The following RUNDC3B variants were observed in gnomAD, a reference collection of about 807,000 sequenced individuals.
RUNDC3B encodes the protein RUN domain containing 3B.
In RUNDC3B, 33 loss-of-function variants were observed where a neutral mutation model predicts 58.4. That is an observed-to-expected ratio of 0.56 (90% CI 0.43 to 0.75). The LOEUF is 0.75. Ranked by LOEUF, RUNDC3B falls within the 30% of genes least tolerant of loss-of-function variation. The probability of loss-of-function intolerance (pLI) is 0.00; values close to 1 mark genes in which losing one functional copy is unlikely to be tolerated. For synonymous variants in RUNDC3B, 193 were observed against 195.2 expected, an observed-to-expected ratio of 0.99 and a Z score of 0.10; for missense variants, 501 against 535.7, an observed-to-expected ratio of 0.94 and a Z score of 0.64.
chr7:87,752,643 A>G (rs1487654775), intron 6 of RUNDC3B, among the ~76,000 whole-genome samples: 1 of 152,014 alleles, frequency 6.6e-6, no homozygotes, highest in Admixed American at 6.6e-5. Context: ...TTTCTTCTAA[A>G]TTTTCTAGTT....
intron 6 of RUNDC3B, among the ~76,000 whole-genome samples, chr7:87,750,993 T>C (rs1416787380): frequency 1.3e-5 from 2 of 152,246 alleles, no homozygotes; most frequent in Admixed American, 6.5e-5. Flanking sequence ...GGTTTTCTTC[T>C]AGGGTTTTTA....
intron 2 of RUNDC3B, among the ~76,000 whole-genome samples, chr7:87,690,321 A>T (rs1300474626): frequency 6.6e-6 from 1 of 152,134 alleles, no homozygotes; most frequent in African/African-American, 2.4e-5. Flanking sequence ...TTATTTTATT[A>T]AACTGTTTTT....
intron 1 of RUNDC3B, among the ~76,000 whole-genome samples, chr7:87,629,736 C>G (rs928495506): frequency 1.1e-4 from 16 of 151,820 alleles, no homozygotes; most frequent in Non-Finnish European, 1.9e-4. Context: ...ACCAGCCTGG[C>G]CAACATAGTG....
chr7:87,823,666 G>C (rs994204142), intron 10 of RUNDC3B, among the ~76,000 whole-genome samples: 1 of 151,970 alleles, frequency 6.6e-6, no homozygotes, highest in Non-Finnish European at 1.5e-5. Flanking sequence ...AAGAAAATAC[G>C]ATGTTTGGTT....
In RUNDC3B at chr7:87,830,722, A is replaced by G. The variant is rs1373770696; in HGVS notation, c.*692A>G. The stretch of plus-strand genomic sequence containing the variant: ...TATTTTATGCCATTTAGGCAAAATG[A>G]ATAAACTGTTTTCCAAGATTTTCTT... On this transcript the variant is annotated 3_prime_UTR_variant, in exon 11 of 11. Coordinates refer to ENST00000394654, the MANE Select transcript of RUNDC3B (RefSeq NM_001134405.2). 6.6e-6 allele frequency: 1 copy of G among 151,782 alleles called. No individual in the cohort carries two copies. Among genetic ancestry groups the G allele is most frequent in the Non-Finnish European group, 1.5e-5 (1 of 67,868 alleles). The allele number at this position is 151,782 out of a possible 1,614,324, so 9.4% of individuals were successfully genotyped here.
chr7:87,819,154 G>A (rs1256722838), intron 10 of RUNDC3B, among the ~76,000 whole-genome samples: 2 of 152,158 alleles, frequency 1.3e-5, no homozygotes, highest in Non-Finnish European at 2.9e-5. Flanking sequence ...ACTCGGCCCT[G>A]ATCAGCTAGT....
chr7:87,713,646 T>TAAAAAAAAAAAA (rs527802276), intron 4 of RUNDC3B, among the ~76,000 whole-genome samples: 1 of 97,960 alleles, frequency 1.0e-5, no homozygotes. Flanking sequence ...GAATCTAAGC[T>TAAAAAAAAAAAA]AAAAAAAAAA....
At chr7:87,740,551 A>C (rs1041535489) in intron 5 of RUNDC3B, among the ~76,000 whole-genome samples, 2 of 152,192 alleles carry the variant, frequency 1.3e-5, no homozygotes, top group Non-Finnish European at 2.9e-5. Context: ...AGGAAATATT[A>C]TATTTTTATT....
intron 1 of RUNDC3B, among the ~76,000 whole-genome samples, chr7:87,633,238 A>G (rs1821404290): frequency 6.6e-6 from 1 of 152,238 alleles, no homozygotes; most frequent in African/African-American, 2.4e-5. Flanking sequence ...CAGGATTTGT[A>G]TAACTGAAAT....
chr7:87,670,321 G>C (rs1353818699), intron 2 of RUNDC3B, among the ~76,000 whole-genome samples: 2 of 152,204 alleles, frequency 1.3e-5, no homozygotes, highest in East Asian at 3.8e-4. Context: ...AGCTCTGTCA[G>C]ACCCATTGGG....
At chr7:87,665,096 T>C (rs757741818) in intron 2 of RUNDC3B, among the ~76,000 whole-genome samples, 1 of 152,092 alleles carries the variant, frequency 6.6e-6, no homozygotes, top group African/African-American at 2.4e-5. Context: ...ATCTCCTAGC[T>C]AGAGCAATTA....
chr7:87,748,750 A>G (rs1453170369), intron 6 of RUNDC3B, among the ~76,000 whole-genome samples: 1 of 152,264 alleles, frequency 6.6e-6, no homozygotes, highest in East Asian at 1.9e-4. Context: ...CAAGATAATT[A>G]CCATCTAGTA....
intron 8 of RUNDC3B, among the ~76,000 whole-genome samples, chr7:87,797,028 A>G (rs955930133): frequency 3.9e-5 from 6 of 152,220 alleles, no homozygotes; most frequent in African/African-American, 1.4e-4. Flanking sequence ...TACATAATTT[A>G]TGGGACTAAT....
At chr7:87,690,006 T>TG (rs2130640017) in intron 2 of RUNDC3B, among the ~76,000 whole-genome samples, 1 of 152,162 alleles carries the variant, frequency 6.6e-6, no homozygotes, top group African/African-American at 2.4e-5. Flanking sequence ...ATTTTTAAAT[T>TG]TTTTATAGAG....
At chr7:87,795,460 T>C (rs1835764483) in intron 8 of RUNDC3B, among the ~76,000 whole-genome samples, 1 of 152,186 alleles carries the variant, frequency 6.6e-6, no homozygotes, top group African/African-American at 2.4e-5. Context: ...ATGGCTTCTA[T>C]CCAAAAGATA....
At chr7:87,824,489 C>G (rs1053565982) in intron 10 of RUNDC3B, among the ~76,000 whole-genome samples, 13 of 152,254 alleles carry the variant, frequency 8.5e-5, no homozygotes, top group Admixed American at 2.6e-4. Flanking sequence ...ATTGCCTAGT[C>G]TTGGGTACGT....
Position 87,649,610 on chromosome 7 carries a change from G to A in RUNDC3B, c.123-1212G>A, listed in dbSNP as rs28381756. 3.8e-3 allele frequency among the ~76,000 whole-genome samples: 583 copies of A among 152,208 alleles called. 3 individuals are homozygous for A. Among genetic ancestry groups the A allele is most frequent in the African/African-American group, 0.014 (562 of 41,532 alleles). On this transcript the variant is annotated intron_variant, in intron 1 of 10. Coordinates refer to ENST00000394654, the MANE Select transcript of RUNDC3B (RefSeq NM_001134405.2). ...TTGACAGTCAAAAATAGAGACAAAG[G>A]ACATTCTGATAAGGAAAAATATAGT...
At chr7:87,645,198 T>G (rs1046954429) in intron 1 of RUNDC3B, among the ~76,000 whole-genome samples, 1 of 151,340 alleles carries the variant, frequency 6.6e-6, no homozygotes, top group Non-Finnish European at 1.5e-5. Context: ...TTCTCCTACC[T>G]CAGCCTCTTG....
chr7:87,746,038 A>G (rs971556315), intron 6 of RUNDC3B, among the ~76,000 whole-genome samples: 9 of 151,874 alleles, frequency 5.9e-5, no homozygotes, highest in African/African-American at 2.2e-4. Context: ...TTTTATTTCC[A>G]TCATTATTTT....
Sources: allele counts gnomAD v4.1 joint callset (sites outside exome capture counted in the v4.1 genomes callset), GRCh38; gene constraint gnomAD v4.1.1; transcripts MANE v1.5; gene names NCBI Gene and HGNC (gene_info 2026-07-23, HGNC 2026-07-21).